HELZ: variants seen among roughly 807,000 people sequenced by gnomAD.
HELZ encodes the protein ATP-dependent RNA helicase with zinc finger domain.
In HELZ, 23 loss-of-function variants were observed where a neutral mutation model predicts 218.2. That is an observed-to-expected ratio of 0.11 (90% CI 0.08 to 0.15). HELZ has a LOEUF of 0.15. HELZ is among the 10% of genes least tolerant of loss of function. HELZ has a pLI of 1.00. For missense variants in HELZ, 1,813 were observed against 2,353.7 expected (o/e 0.77, Z 4.75); for synonymous variants, 814 against 829.4 (o/e 0.98, Z 0.32).
At chr17:67,180,238 C>T (rs1035414779) in intron 12 of HELZ, among the ~76,000 whole-genome samples, 1 of 151,988 alleles carries the variant, frequency 6.6e-6, no homozygotes, top group African/African-American at 2.4e-5. Flanking sequence ...AACCCCATCA[C>T]GTTGGGAGGT....
At chr17:67,199,327 C>T (rs991936520) in intron 7 of HELZ, among the ~76,000 whole-genome samples, 3 of 150,614 alleles carry the variant, frequency 2.0e-5, no homozygotes, top group African/African-American at 7.3e-5. Flanking sequence ...ATTCTCCTGT[C>T]TCAGCCTCCT....
intron 13 of HELZ, among the ~76,000 whole-genome samples, chr17:67,178,329 G>A (rs1454369011): frequency 1.3e-5 from 2 of 152,100 alleles, no homozygotes; most frequent in African/African-American, 4.8e-5. Context: ...TACTCATTCA[G>A]TGCTTGCTAT....
At chr17:67,150,913 T>C (rs866220031) in intron 18 of HELZ, 133 bp downstream of exon 18, 5 of 697,964 alleles carry the variant, frequency 7.2e-6, no homozygotes, top group Middle Eastern at 5.3e-4. Context: ...GGTAAATAAA[T>C]GAGCCAGTAA....
In HELZ at chr17:67,120,479, T is replaced by C; in HGVS notation, c.3764A>G (p.His1255Arg). Residue 1255 changes from histidine (H) to arginine (R), a missense_variant, in exon 27 of 33, where the codon CAT (histidine) becomes CGT (arginine). Around this residue, in one of 4 missense-constraint regions of HELZ, gnomAD observed 938 missense variants for 1,027.5 expected, o/e 0.91. Coordinates refer to ENST00000358691, the MANE Select transcript of HELZ (RefSeq NM_014877.4). ...RGSPIPYGLG[H>R]HPPVTIGQPQ... is the part of the protein sequence containing the mutation. ...CTGGCCTATGGTGACAGGTGGGTGA[T>C]GTCCAAGGCCATAAGGAATAGGAGA... 6.2e-7 allele frequency: 1 copy of C among 1,614,070 alleles called. No individual in the cohort carries two copies. Among genetic ancestry groups the C allele is most frequent in the East Asian group, 2.2e-5 (1 of 44,866 alleles).
In HELZ at chr17:67,075,941, A is replaced by T. The variant is rs990646055; in HGVS notation, c.*2311T>A. ...TCCTTATCCAAAGCTTCCATCATCAACATATTTATATAAGGTGATGGGGTG... is the reference window on the plus strand; with the variant it reads ...TCCTTATCCAAAGCTTCCATCATCATCATATTTATATAAGGTGATGGGGTG... On this transcript the variant is annotated 3_prime_UTR_variant, in exon 33 of 33. Coordinates refer to ENST00000358691, the MANE Select transcript of HELZ (RefSeq NM_014877.4). 1 of 152,666 alleles carries T rather than the reference A, an allele frequency of 6.6e-6. No homozygotes were observed. The highest frequency in any genetic ancestry group is 2.4e-5 in the African/African-American group (1 of 41,456). The allele number at this position is 152,666 out of a possible 1,614,324, so 9.5% of individuals were successfully genotyped here. A position where few individuals can be genotyped will look rare whatever the true frequency, so the allele number is the denominator to read the frequency against.
intron 4 of HELZ, among the ~76,000 whole-genome samples, chr17:67,218,272 C>A (rs917218445): frequency 2.0e-5 from 3 of 152,002 alleles, no homozygotes; most frequent in African/African-American, 7.3e-5. Flanking sequence ...ATTTTCTGTT[C>A]CCCTACTAGA....
At chr17:67,106,554 G>A (rs192100594) in intron 31 of HELZ, among the ~76,000 whole-genome samples, 128 of 152,230 alleles carry the variant, frequency 8.4e-4, no homozygotes, top group African/African-American at 2.5e-3. Context: ...TGATCTGCCC[G>A]CCTCGGCCTC....
At chr17:67,175,768 T>C (rs1295036376) in intron 13 of HELZ, among the ~76,000 whole-genome samples, 1 of 152,244 alleles carries the variant, frequency 6.6e-6, no homozygotes. Context: ...TAACTACTTG[T>C]CACATGTTAG....
At position 67,203,320 on chromosome 17, in the gene HELZ, A is replaced by G. The variant is rs746701843; in HGVS notation, c.371T>C (p.Leu124Pro). The G allele has an allele frequency of 5.0e-6, 8 of 1,614,012 alleles. No homozygotes were observed. In the Admixed American group the frequency reaches 1.3e-4, roughly 27 times the overall value. The change falls in exon 6 of 33, where the codon CTG becomes CCG. Residue 124 changes from leucine (L) to proline (P), a missense_variant and splice_region_variant. Transcript: ENST00000358691. ...ILAKSLTGESLNGMVTKDLTR... is the reference protein window; with the variant it reads ...ILAKSLTGESPNGMVTKDLTR... The stretch of plus-strand genomic sequence containing the variant: ...CAAAATTAGAGCTTATCAACATACC[A>G]GGGACTCTCCTGTGAGTGACTTGGC...
At chr17:67,223,290 G>A (rs1428958539) in intron 3 of HELZ, among the ~76,000 whole-genome samples, 2 of 151,732 alleles carry the variant, frequency 1.3e-5, no homozygotes, top group African/African-American at 2.4e-5. Context: ...ACTAAGTTGG[G>A]TCTCTAAGGA....
At chr17:67,120,048 G>A (rs1305136726) in intron 27 of HELZ, 1 of 319,498 alleles carries the variant, frequency 3.1e-6, no homozygotes, top group Non-Finnish European at 5.5e-6. Flanking sequence ...CTATCGCCCA[G>A]GCTGGAGTAC....
In HELZ at chr17:67,166,500, T is replaced by A. The variant is rs2039148290; in HGVS notation, c.1873A>T (p.Thr625Ser). ...TACCTGTTAGGACTCCATGGTATGG[T>A]GGGAGTCATACTGATGTCTGGAAAC... ...VLFPDISMTP[T>S]IPWSPNRQWD... Residue 625 changes from threonine to serine, a missense_variant, in exon 15 of 33, where the codon ACC becomes TCC. Physicochemically the swap from Thr to Ser is moderately conservative, Grantham distance 58. Coordinates refer to ENST00000358691, the MANE Select transcript of HELZ (RefSeq NM_014877.4). 2 of 1,612,910 alleles carry A rather than the reference T, an allele frequency of 1.2e-6. No homozygotes were observed. Among genetic ancestry groups the A allele is most frequent in the Non-Finnish European group, 1.7e-6 (2 of 1,179,152 alleles).
At chr17:67,178,975 T>C in intron 12 of HELZ, 49 bp from the exon 13 acceptor site, 1 of 1,262,592 alleles carries the variant, frequency 7.9e-7, no homozygotes, top group Non-Finnish European at 1.1e-6. Flanking sequence ...ACATTAAAAT[T>C]TTTAAATAAC....
intron 23 of HELZ, among the ~76,000 whole-genome samples, chr17:67,135,480 G>A (rs1027325279): frequency 7.9e-5 from 12 of 152,184 alleles, no homozygotes; most frequent in Non-Finnish European, 1.5e-5. Context: ...CAGCTTCTCA[G>A]TGAGGTCTGC....
At position 67,107,331 on chromosome 17, in the gene HELZ, T is replaced by C. The variant is rs776357847; in HGVS notation, c.5079A>G (p.Leu1693=). The change falls in exon 31 of 33, where the codon CTA becomes CTG. Residue 1693 remains leucine, a synonymous_variant. Coordinates refer to ENST00000358691, the MANE Select transcript of HELZ (RefSeq NM_014877.4). ...WTFANLQQNH[L]MGPGFPYGLP... ...GGCCATAGGGAAAACCTGGCCCCAT[T>C]AGGTGATTCTGTTGCAAGTTAGCAA... 8.7e-6 allele frequency: 14 copies of C among 1,614,086 alleles called. No homozygotes were observed. The highest frequency in any genetic ancestry group is 1.3e-5 in the African/African-American group (1 of 74,978).
intron 32 of HELZ, among the ~76,000 whole-genome samples, chr17:67,082,265 T>C (rs1340843925): frequency 6.6e-6 from 1 of 152,252 alleles, no homozygotes; most frequent in Non-Finnish European, 1.5e-5. Flanking sequence ...AGATATTTAG[T>C]GAGGTAGCTC....
intron 5 of HELZ, among the ~76,000 whole-genome samples, chr17:67,209,598 A>AAAAAC (rs906909405): frequency 9.8e-5 from 15 of 152,324 alleles, no homozygotes; most frequent in South Asian, 4.1e-4. Flanking sequence ...ACTCTGTCTC[A>AAAAAC]AAAACAAAAC....
intron 27 of HELZ, among the ~76,000 whole-genome samples, chr17:67,114,898 G>A (rs578101768): frequency 8.5e-5 from 13 of 152,238 alleles, no homozygotes; most frequent in African/African-American, 3.1e-4. Flanking sequence ...ATCAAACCGT[G>A]TATAAGTGGG....
At chr17:67,224,721 T>C in intron 3 of HELZ, 1 of 966,600 alleles carries the variant, frequency 1.0e-6, no homozygotes. Context: ...ATAGTGCTCA[T>C]GCAAACATGG....
Sources: gnomAD v4.1 joint callset for allele counts (sites outside exome capture counted in the v4.1 genomes callset) on GRCh38, gnomAD v4.1.1 for gene constraint, gnomAD v4.1.1 regional missense constraint, MANE v1.5 for transcripts, NCBI Gene and HGNC (gene_info 2026-07-23, HGNC 2026-07-21) for gene names.